The following NAALADL2 variants were observed in gnomAD, a reference collection of about 807,000 sequenced individuals.
The protein encoded by NAALADL2 is inactive N-acetylated-alpha-linked acidic dipeptidase-like protein 2.
NAALADL2 carries 76 observed loss-of-function variants against 87.2 expected under a neutral mutation model. The ratio of observed to expected loss-of-function variants is 0.87; its 90% CI spans 0.72 to 1.05. NAALADL2 has a LOEUF of 1.05. Among genes scored for constraint, NAALADL2 ranks in the 50% least tolerant of loss-of-function variants. The pLI, the probability that NAALADL2 is intolerant of heterozygous loss-of-function variation, is 0.00. For synonymous variants in NAALADL2, 354 were observed against 331.0 expected (o/e 1.07, Z -0.75); for missense variants, 1,089 against 945.8 (o/e 1.15, Z -1.99).
intron 11 of NAALADL2, among the ~76,000 whole-genome samples, chr3:175,667,241 A>AAGAGAAAGAAAGAAAGAAAG (rs1182682303): frequency 1.1e-5 from 1 of 91,716 alleles, no homozygotes; most frequent in Non-Finnish European, 2.2e-5. Context: ...GAAAGAAAGA[A>AAGAGAAAGAAAGAAAGAAAG]AAAGAAAGAA....
chr3:174,680,912 T>C (rs57616252), intron 2 of NAALADL2, among the ~76,000 whole-genome samples: 12,283 of 152,256 alleles, frequency 0.081, 731 homozygotes, highest in South Asian at 0.28. Flanking sequence ...TAACTTCATA[T>C]TGCTGAAAGA....
intron 11 of NAALADL2, among the ~76,000 whole-genome samples, chr3:175,723,733 C>T (rs1356829413): frequency 6.6e-6 from 1 of 152,062 alleles, no homozygotes; most frequent in African/African-American, 2.4e-5. Context: ...GCAACATAAT[C>T]ATCTTCTCCA....
chr3:175,009,370 T>G (rs55820701), intron 1 of NAALADL2, among the ~76,000 whole-genome samples: 2,260 of 152,214 alleles, frequency 0.015, 41 homozygotes, highest in African/African-American at 0.05. Flanking sequence ...ATACAATCAT[T>G]ATATATATTA....
chr3:174,622,762 C>G (rs879910859), intron 2 of NAALADL2, among the ~76,000 whole-genome samples: 1 of 152,130 alleles, frequency 6.6e-6, no homozygotes, highest in Non-Finnish European at 1.5e-5. Flanking sequence ...GGAATCGGGC[C>G]GGGCGCGGTG....
At chr3:175,427,584 A>G (rs1312383642) in intron 5 of NAALADL2, among the ~76,000 whole-genome samples, 2 of 152,150 alleles carry the variant, frequency 1.3e-5, no homozygotes, top group African/African-American at 4.8e-5. Context: ...TTTTACAACA[A>G]TGGCAGCTAA....
intron 2 of NAALADL2, among the ~76,000 whole-genome samples, chr3:174,606,715 G>C (rs34715336): frequency 3.9e-5 from 6 of 152,156 alleles, no homozygotes; most frequent in Non-Finnish European, 8.8e-5. Context: ...GAAAGTGATG[G>C]GGAGAATGGA....
intron 3 of NAALADL2, among the ~76,000 whole-genome samples, chr3:174,773,548 A>G (rs1398964995): frequency 6.6e-6 from 1 of 152,194 alleles, no homozygotes; most frequent in Non-Finnish European, 1.5e-5. Context: ...AACTATGAAC[A>G]TATCTAGTTA....
chr3:174,606,460 T>C (rs969199031), intron 2 of NAALADL2, among the ~76,000 whole-genome samples: 12 of 151,972 alleles, frequency 7.9e-5, no homozygotes, highest in African/African-American at 1.2e-4. Flanking sequence ...ATAACCAATA[T>C]AGAGAAGTGC....
In NAALADL2 at chr3:174,678,879, C is replaced by T. The variant is rs956305546; in HGVS notation, c.-114-58762C>T. On this transcript the variant is annotated intron_variant, in intron 2 of 3. Coordinates refer to the NAALADL2 transcript ENST00000434257. ...CAGACGTTGGTCAATTTTTGTTGCT[C>T]TGGAGAAGTCAACTATTTATTACCT... Among the ~76,000 whole-genome samples, 7 of 152,296 alleles carry T rather than the reference C, an allele frequency of 4.6e-5. No individual in the cohort carries two copies. In the East Asian group the frequency reaches 1.3e-3, roughly 29 times the overall value.
intron 6 of NAALADL2, among the ~76,000 whole-genome samples, chr3:175,448,566 C>T (rs1465995269): frequency 2.6e-5 from 4 of 152,142 alleles, no homozygotes; most frequent in African/African-American, 9.7e-5. Flanking sequence ...TAGCTCCATG[C>T]CCTCCCCTAT....
chr3:175,051,937 C>T (rs1755451907), intron 1 of NAALADL2, among the ~76,000 whole-genome samples: 2 of 152,152 alleles, frequency 1.3e-5, no homozygotes, highest in South Asian at 2.1e-4. Flanking sequence ...AGACCCTCAA[C>T]CAGTGGTGCT....
At position 174,832,024 on chromosome 3, in the gene NAALADL2, G is replaced by A. The variant is rs528694082; in HGVS notation, c.-9+94278G>A. Among the ~76,000 whole-genome samples, 560 of 151,578 alleles carry A rather than the reference G, an allele frequency of 3.7e-3. 3 individuals carry two copies. The highest frequency in any genetic ancestry group is 0.02 in the Middle Eastern group (6 of 294). On this transcript the variant is annotated intron_variant, in intron 3 of 3. Coordinates refer to the NAALADL2 transcript ENST00000434257. ...TTTTTTCTTTATTTGTCTTGCTAGC[G>A]GTCTATCAATTTTGTTGATCCTTTC...
chr3:175,317,260 C>T (rs769094010), intron 4 of NAALADL2, among the ~76,000 whole-genome samples: 6 of 152,008 alleles, frequency 3.9e-5, no homozygotes, highest in Admixed American at 6.6e-5. Flanking sequence ...GTTTCATGAA[C>T]ATTGAACAGT....
At chr3:175,218,674 C>T (rs1378717481) in intron 2 of NAALADL2, among the ~76,000 whole-genome samples, 1 of 151,878 alleles carries the variant, frequency 6.6e-6, no homozygotes, top group African/African-American at 2.4e-5. Context: ...TAAATATGTG[C>T]TTTATTTTGT....
intron 3 of NAALADL2, among the ~76,000 whole-genome samples, chr3:175,236,325 C>T (rs989350121): frequency 6.6e-6 from 1 of 151,888 alleles, no homozygotes; most frequent in African/African-American, 2.4e-5. Context: ...GCGGGTGGAT[C>T]ACCTGAGGTT....
In NAALADL2 at chr3:175,226,167, C is replaced by T. The variant is rs199853225; in HGVS notation, c.546-7764C>T. The stretch of plus-strand genomic sequence containing the variant: ...AGCAGGCAGATATGTACCATATTTT[C>T]GTTGATCAGAAGAGGAGAGACTATT... On this transcript the variant is annotated intron_variant, in intron 2 of 13. Coordinates refer to ENST00000454872, the MANE Select transcript of NAALADL2 (RefSeq NM_207015.3). 1.7e-4 allele frequency among the ~76,000 whole-genome samples: 26 copies of T among 152,162 alleles called. No homozygotes were observed. In the East Asian group the frequency reaches 3.1e-3, roughly 18 times the overall value.
At position 174,760,243 on chromosome 3, in the gene NAALADL2, C is replaced by A. The variant is rs564008553; in HGVS notation, c.-9+22497C>A. ...TCCATATCTCCATGCTGGTGAAGACCATTCATGGCACCACACTGCCATCAT... is the reference window on the plus strand; with the variant it reads ...TCCATATCTCCATGCTGGTGAAGACAATTCATGGCACCACACTGCCATCAT... On this transcript the variant is annotated intron_variant, in intron 3 of 3. Transcript: ENST00000434257. 3.9e-4 allele frequency among the ~76,000 whole-genome samples: 60 copies of A among 152,210 alleles called. 1 individual carries two copies. The South Asian group carries it at 0.011, about 28-fold the overall frequency.
At chr3:175,689,311 C>T (rs1736729118) in intron 11 of NAALADL2, among the ~76,000 whole-genome samples, 1 of 151,858 alleles carries the variant, frequency 6.6e-6, no homozygotes, top group Admixed American at 6.6e-5. Context: ...AAAGATAGAA[C>T]TGAGAAACAT....
intron 2 of NAALADL2, among the ~76,000 whole-genome samples, chr3:175,225,800 T>A (rs1448252565): frequency 6.6e-6 from 1 of 152,092 alleles, no homozygotes; most frequent in Non-Finnish European, 1.5e-5. Flanking sequence ...ATTCCGTGAG[T>A]CTGCTTTCAG....
Sources: gnomAD v4.1 joint callset for allele counts (sites outside exome capture counted in the v4.1 genomes callset) on GRCh38, gnomAD v4.1.1 for gene constraint, MANE v1.5 for transcripts, NCBI Gene and HGNC (gene_info 2026-07-23, HGNC 2026-07-21) for gene names.